The following GRIN2A variants were observed in gnomAD, a reference collection of about 807,000 sequenced individuals.
GRIN2A encodes glutamate ionotropic receptor NMDA type subunit 2A.
In GRIN2A, 22 loss-of-function variants were observed where a neutral mutation model predicts 113.4. That is an observed-to-expected ratio of 0.19 (90% CI 0.14 to 0.28). The LOEUF (loss-of-function observed/expected upper bound fraction) is 0.28. GRIN2A is among the 10% of genes least tolerant of loss of function. The pLI, the probability that GRIN2A is intolerant of heterozygous loss-of-function variation, is 1.00. For missense variants in GRIN2A, 1,502 were observed against 1,887.0 expected (o/e 0.80, Z 3.78); for synonymous variants, 827 against 738.4 (o/e 1.12, Z -1.94).
intron 2 of GRIN2A, among the ~76,000 whole-genome samples, chr16:10,129,831 T>C (rs1226216772): frequency 6.6e-6 from 1 of 152,244 alleles, no homozygotes; most frequent in Non-Finnish European, 1.5e-5. Flanking sequence ...AGCGAGGTCA[T>C]GCATTGATCA....
intron 2 of GRIN2A, among the ~76,000 whole-genome samples, chr16:10,098,419 G>A (rs2048335055): frequency 6.6e-6 from 1 of 152,172 alleles, no homozygotes. Flanking sequence ...ACTAAAAGGA[G>A]AACTACCATT....
In GRIN2A at chr16:10,180,776, G is replaced by T. The variant is rs1407016804; in HGVS notation, c.-18-347C>A. On this transcript the variant is annotated intron_variant, in intron 1 of 12. Transcript: ENST00000330684. The surrounding 1 kb of genome is among the most constrained non-coding windows in gnomAD (Gnocchi z 7.0). Reference sequence around the variant, plus strand: ...GGGCCACAGACCCTAAGCGCCGCGCGTGTTCTGTACCCCACCAAGCTCCTA... The same window carrying T: ...GGGCCACAGACCCTAAGCGCCGCGCTTGTTCTGTACCCCACCAAGCTCCTA... The T allele has an allele frequency of 4.6e-6, 2 of 435,204 alleles. No individual in the cohort carries two copies. The highest frequency in any genetic ancestry group is 7.2e-5 in the Admixed American group (2 of 27,908). 27.0% of individuals were successfully genotyped at this position (435,204 alleles called of 1,614,324 possible). A position where few individuals can be genotyped will look rare whatever the true frequency, so the allele number is the denominator to read the frequency against.
intron 2 of GRIN2A, among the ~76,000 whole-genome samples, chr16:10,069,988 C>G (rs943972562): frequency 6.6e-6 from 1 of 152,190 alleles, no homozygotes; most frequent in Non-Finnish European, 1.5e-5. Context: ...TTCCCTCTTG[C>G]CTATCCACCC....
At chr16:9,822,068 T>C (rs1235126031) in intron 10 of GRIN2A, among the ~76,000 whole-genome samples, 196 bp downstream of exon 10, 2 of 152,218 alleles carry the variant, frequency 1.3e-5, no homozygotes, top group Non-Finnish European at 2.9e-5. Flanking sequence ...ATTTGCTTTT[T>C]CTTCACCCAA....
At chr16:10,045,517 C>T (rs2047243021) in intron 2 of GRIN2A, among the ~76,000 whole-genome samples, 1 of 152,120 alleles carries the variant, frequency 6.6e-6, no homozygotes, top group South Asian at 2.1e-4. Context: ...ACAGCTTCAC[C>T]ATCAGTTAAT....
chr16:10,149,844 G>T (rs945397155), intron 2 of GRIN2A, among the ~76,000 whole-genome samples: 5 of 152,178 alleles, frequency 3.3e-5, no homozygotes, highest in African/African-American at 1.2e-4. Context: ...CCCTCCAGTG[G>T]TTTTCCATCA....
chr16:10,171,401 G>T (rs748589694), intron 2 of GRIN2A: 2 of 152,164 alleles, frequency 1.3e-5, no homozygotes, highest in Non-Finnish European at 2.9e-5. Flanking sequence ...CCTAAGCCTC[G>T]TGCAAACATA....
chr16:9,961,393 T>C (rs1180762078), intron 2 of GRIN2A, among the ~76,000 whole-genome samples: 2 of 152,136 alleles, frequency 1.3e-5, no homozygotes, highest in African/African-American at 4.8e-5. Context: ...TCCTAACGAA[T>C]GAACCACAAA....
chr16:10,072,946 CTT>C (rs34432023), intron 2 of GRIN2A, among the ~76,000 whole-genome samples: 5 of 104,220 alleles, frequency 4.8e-5, no homozygotes, highest in Admixed American at 1.1e-4. Flanking sequence ...ACAAGACCCC[CTT>C]TTTTTTTTTT....
At chr16:10,077,981 A>G (rs2047909069) in intron 2 of GRIN2A, among the ~76,000 whole-genome samples, 1 of 152,184 alleles carries the variant, frequency 6.6e-6, no homozygotes, top group Non-Finnish European at 1.5e-5. Flanking sequence ...GAACCAGGAT[A>G]AGGTATTTCT....
intron 11 of GRIN2A, among the ~76,000 whole-genome samples, chr16:9,769,632 C>T (rs953744054): frequency 6.6e-6 from 1 of 151,792 alleles, no homozygotes; most frequent in Non-Finnish European, 1.5e-5. Context: ...GGCCTCGGAG[C>T]TACAGTTATC....
In GRIN2A at chr16:9,760,941, T is replaced by C; in HGVS notation, c.*2208A>G. On this transcript the variant is annotated 3_prime_UTR_variant, in exon 13 of 13. Coordinates refer to ENST00000330684, the MANE Select transcript of GRIN2A (RefSeq NM_001134407.3). ...GGAGATTCAGATTTAGGATCAGATG[T>C]TGGGGTGACTATTCTGGGCCCTTCG... is the stretch of plus-strand genomic sequence containing the variant. 1 of 232,560 alleles carries C rather than the reference T, an allele frequency of 4.3e-6. No individual in the cohort carries two copies. Among genetic ancestry groups the C allele is most frequent in the Non-Finnish European group, 8.5e-6 (1 of 117,620 alleles). The allele number at this position is 232,560 out of a possible 1,614,324, so 14.4% of individuals were successfully genotyped here. A position where few individuals can be genotyped will look rare whatever the true frequency, so the allele number is the denominator to read the frequency against.
intron 2 of GRIN2A, chr16:10,111,712 G>A: frequency 9.0e-6 from 14 of 1,551,260 alleles, no homozygotes; most frequent in Non-Finnish European, 1.2e-5. Context: ...CAAGAAGTTT[G>A]AACAGGGCTT....
In GRIN2A at chr16:10,148,139, T is replaced by G. The variant is rs539521733; in HGVS notation, c.414+31859A>C. Among the ~76,000 whole-genome samples the G allele has an allele frequency of 2.5e-3, 377 of 152,320 alleles. 1 individual carries two copies. Among genetic ancestry groups the G allele is most frequent in the African/African-American group, 8.6e-3 (356 of 41,562 alleles). Reference sequence around the variant, plus strand: ...TCTCAACATTGTAGAGCCCAGGAATTGGCAAACTACAGCCTGTGAGCCAAA... The same window carrying G: ...TCTCAACATTGTAGAGCCCAGGAATGGGCAAACTACAGCCTGTGAGCCAAA... On this transcript the variant is annotated intron_variant, in intron 2 of 12. Coordinates refer to ENST00000330684, the MANE Select transcript of GRIN2A (RefSeq NM_001134407.3).
intron 3 of GRIN2A, among the ~76,000 whole-genome samples, chr16:9,909,403 G>C (rs1279854609): frequency 6.6e-6 from 1 of 152,228 alleles, no homozygotes; most frequent in Non-Finnish European, 1.5e-5. Flanking sequence ...GAGCTGTCCA[G>C]TAGATCTTTC....
chr16:10,025,154 T>A (rs985413477), intron 2 of GRIN2A, among the ~76,000 whole-genome samples: 6 of 151,680 alleles, frequency 4.0e-5, no homozygotes, highest in Non-Finnish European at 7.4e-5. Context: ...GGCAGAGAGA[T>A]GGGAGGGGCT....
Position 9,793,064 on chromosome 16 carries a change from A to G in GRIN2A, c.2356+5213T>C, listed in dbSNP as rs543814114. Among the ~76,000 whole-genome samples, 22 of 152,314 alleles carry G rather than the reference A, an allele frequency of 1.4e-4. No individual in the cohort carries two copies. In the East Asian group the frequency reaches 3.9e-3, roughly 27 times the overall value. ...GAAGATCCTCACGTGATTCTTGCTCATGGTAAAGCTGAATGAGCTCTGCTG... is the reference window on the plus strand; with the variant it reads ...GAAGATCCTCACGTGATTCTTGCTCGTGGTAAAGCTGAATGAGCTCTGCTG... On this transcript the variant is annotated intron_variant, in intron 11 of 12. Coordinates refer to ENST00000330684, the MANE Select transcript of GRIN2A (RefSeq NM_001134407.3).
At chr16:9,785,253 G>A (rs1229947663) in intron 11 of GRIN2A, among the ~76,000 whole-genome samples, 1 of 152,062 alleles carries the variant, frequency 6.6e-6, no homozygotes, top group Non-Finnish European at 1.5e-5. Flanking sequence ...GGAATACTAT[G>A]CAGCCATAAA....
chr16:10,100,256 C>G (rs1458033279), intron 2 of GRIN2A, among the ~76,000 whole-genome samples: 1 of 152,136 alleles, frequency 6.6e-6, no homozygotes, highest in Non-Finnish European at 1.5e-5. Context: ...CCGTTTTCAG[C>G]AGAGAAACAA....
Sources: allele counts gnomAD v4.1 joint callset (sites outside exome capture counted in the v4.1 genomes callset), GRCh38; gene constraint gnomAD v4.1.1; non-coding constraint Gnocchi (gnomAD v3.1); transcripts MANE v1.5; gene names NCBI Gene and HGNC (gene_info 2026-07-23, HGNC 2026-07-21).